The following DDX60 variants were observed in gnomAD, a reference collection of about 807,000 sequenced individuals.
The protein encoded by DDX60 is DExD/H-box helicase 60.
A neutral mutation model predicts 212.8 loss-of-function variants in DDX60; 165 were observed. The observed-to-expected ratio is 0.78, with a 90% CI of 0.68 to 0.88. The LOEUF is 0.88. DDX60 is among the 40% of genes least tolerant of loss of function. The pLI, the probability that DDX60 is intolerant of heterozygous loss-of-function variation, is 0.00. For missense variants in DDX60, 1,905 were observed against 2,003.9 expected (o/e 0.95, Z 0.94); for synonymous variants, 703 against 685.3 (o/e 1.03, Z -0.40).
intron 33 of DDX60, among the ~76,000 whole-genome samples, chr4:168,226,877 G>C (rs1157560696): frequency 6.6e-6 from 1 of 152,028 alleles, no homozygotes; most frequent in African/African-American, 2.4e-5. Flanking sequence ...GGTTATCAGA[G>C]GCTGGGAAGG....
intron 5 of DDX60, among the ~76,000 whole-genome samples, chr4:168,304,905 C>T (rs1438577749): frequency 1.3e-5 from 2 of 152,070 alleles, no homozygotes. Flanking sequence ...CAGTGGTGTA[C>T]AGTAATGTCC....
chr4:168,251,903 T>C (rs79174995), intron 27 of DDX60, among the ~76,000 whole-genome samples: 4,716 of 152,282 alleles, frequency 0.031, 228 homozygotes, highest in African/African-American at 0.11. Flanking sequence ...AGTGATGACA[T>C]TGATTTTATT....
intron 26 of DDX60, among the ~76,000 whole-genome samples, chr4:168,253,671 C>G (rs971916528): frequency 6.6e-6 from 1 of 152,088 alleles, no homozygotes; most frequent in Non-Finnish European, 1.5e-5. Flanking sequence ...TCTTGCTTTT[C>G]TTCACCTTCC....
chr4:168,272,213 A>T, intron 18 of DDX60, 75 bp from the exon 19 acceptor site: 1 of 1,207,208 alleles, frequency 8.3e-7, no homozygotes, highest in Non-Finnish European at 1.2e-6. Flanking sequence ...GGAATATGTA[A>T]GATAGACTTA....
At chr4:168,304,712 A>C (rs1234044901) in intron 5 of DDX60, among the ~76,000 whole-genome samples, 1 of 152,174 alleles carries the variant, frequency 6.6e-6, no homozygotes, top group Non-Finnish European at 1.5e-5. Flanking sequence ...AAGAAAAATA[A>C]AGAAGGAAAA....
At chr4:168,225,730 T>C (rs779340236) in intron 33 of DDX60, 54 bp from the exon 34 acceptor site, 15 of 1,527,994 alleles carry the variant, frequency 9.8e-6, no homozygotes, top group Middle Eastern at 1.8e-4. Context: ...CCTTCAAAAC[T>C]GAATCGTTGG....
chr4:168,318,569 C>T (rs1737510388), intron 1 of DDX60, 53 bp downstream of exon 1: 2 of 152,416 alleles, frequency 1.3e-5, no homozygotes, highest in Non-Finnish European at 2.9e-5. Flanking sequence ...CTAGAACTCC[C>T]GCTAGACAGC....
At chr4:168,284,758 T>C (rs1045520947) in intron 12 of DDX60, 62 bp downstream of exon 12, 20 of 816,644 alleles carry the variant, frequency 2.4e-5, no homozygotes, top group Admixed American at 1.1e-4. Context: ...TTTTCCACTA[T>C]AAAATAAGAG....
chr4:168,268,505 G>A (rs568705215), intron 20 of DDX60, among the ~76,000 whole-genome samples: 1 of 152,066 alleles, frequency 6.6e-6, no homozygotes, highest in East Asian at 1.9e-4. Context: ...TGGGAAAATG[G>A]ACCACAGGAC....
intron 6 of DDX60, among the ~76,000 whole-genome samples, chr4:168,295,728 T>C (rs1449109315): frequency 6.6e-6 from 1 of 152,194 alleles, no homozygotes. Flanking sequence ...GACACATTGT[T>C]CACAACAATC....
intron 23 of DDX60, among the ~76,000 whole-genome samples, chr4:168,262,454 AG>A (rs1734660399): frequency 6.6e-6 from 1 of 150,822 alleles, no homozygotes; most frequent in Non-Finnish European, 1.5e-5. Flanking sequence ...GAAGTTGAAA[AG>A]ATTTCAAAAA....
intron 26 of DDX60, among the ~76,000 whole-genome samples, chr4:168,254,641 A>G (rs1734336756): frequency 6.6e-6 from 1 of 152,246 alleles, no homozygotes; most frequent in Non-Finnish European, 1.5e-5. Context: ...AGAAATACAT[A>G]TAAACAACAA....
At chr4:168,322,158 C>T (rs2149563583), upstream of DDX60, among the ~76,000 whole-genome samples, 1 of 152,316 alleles carries the variant, frequency 6.6e-6, no homozygotes, top group Admixed American at 6.5e-5. Flanking sequence ...ATTTACTTGC[C>T]TCTGTTCAGC....
chr4:168,277,591 A>G (rs534451648), intron 14 of DDX60, among the ~76,000 whole-genome samples: 3 of 152,116 alleles, frequency 2.0e-5, no homozygotes, highest in Non-Finnish European at 4.4e-5. Flanking sequence ...TAATCCCAGC[A>G]CTTTGGGAGG....
At chr4:168,231,636 A>G (rs1451903517) in intron 33 of DDX60, among the ~76,000 whole-genome samples, 1 of 152,094 alleles carries the variant, frequency 6.6e-6, no homozygotes, top group Non-Finnish European at 1.5e-5. Flanking sequence ...AAATAGATGC[A>G]GAAAAAGCAT....
intron 28 of DDX60, among the ~76,000 whole-genome samples, chr4:168,248,526 T>C (rs749256891): frequency 1.3e-5 from 2 of 152,206 alleles, no homozygotes; most frequent in Non-Finnish European, 2.9e-5. Flanking sequence ...TTTCTCTGGC[T>C]TCTTCAGCTG....
At chr4:168,291,946 G>C (rs372159433) in intron 7 of DDX60, 40 bp from the exon 8 acceptor site, 6 of 1,474,662 alleles carry the variant, frequency 4.1e-6, no homozygotes, top group African/African-American at 2.9e-5. Context: ...AGAACAGCAG[G>C]GTGTGACATT....
chr4:168,281,407 A>G (rs1280015649), intron 13 of DDX60, among the ~76,000 whole-genome samples: 6 of 152,206 alleles, frequency 3.9e-5, no homozygotes, highest in African/African-American at 1.4e-4. Flanking sequence ...CTGTAGTTGT[A>G]ATTTCATTTG....
intron 30 of DDX60, among the ~76,000 whole-genome samples, chr4:168,244,747 G>GA (rs5863925): frequency 0.17 from 25,536 of 149,394 alleles, 3,758 homozygotes; most frequent in African/African-American, 0.39. Flanking sequence ...AAAAAAGAAA[G>GA]AAAAAAAAAG....
Sources: allele counts gnomAD v4.1 joint callset (sites outside exome capture counted in the v4.1 genomes callset), GRCh38; gene constraint gnomAD v4.1.1; transcripts MANE v1.5; gene names NCBI Gene and HGNC (gene_info 2026-07-23, HGNC 2026-07-21).